Variants in MET observed in about 807,000 individuals in gnomAD.
MET encodes MET proto-oncogene, receptor tyrosine kinase, also known as hepatocyte growth factor receptor.
In MET, 48 loss-of-function variants were observed where a neutral mutation model predicts 133.1. The ratio of observed to expected loss-of-function variants is 0.36; its 90% CI spans 0.29 to 0.46. MET has a LOEUF of 0.46. Ranked by LOEUF, MET falls within the 20% of genes least tolerant of loss-of-function variation. The pLI, the probability that MET is intolerant of heterozygous loss-of-function variation, is 1.00. For missense variants in MET, 1,442 were observed against 1,695.9 expected, an observed-to-expected ratio of 0.85 and a Z score of 2.63; for synonymous variants, 628 against 616.5, an observed-to-expected ratio of 1.02 and a Z score of -0.28.
Position 116,774,977 on chromosome 7 carries a change from T to C in MET, c.3125T>C (p.Ile1042Thr). The C allele has an allele frequency of 6.2e-7, 1 of 1,614,162 alleles. No homozygotes were observed. The highest frequency in any genetic ancestry group is 1.1e-5 in the South Asian group (1 of 91,086). The change falls in exon 15 of 21, where the codon ATA (isoleucine) becomes ACA (threonine). Residue 1042 changes from isoleucine to threonine, a missense_variant. Coordinates refer to ENST00000397752, the MANE Select transcript of MET (RefSeq NM_000245.4). ...ATCCTAACTAGTGGGGACTCTGATA[T>C]ATCCAGTCCATTACTGCAAAATACT... ...SPILTSGDSD[I>T]SSPLLQNTVH...
chr7:116,771,986 GA>G lies in MET; in HGVS notation c.3027del (p.Asp1010IlefsTer19). 1 of 1,613,720 alleles carries G rather than the reference GA, an allele frequency of 6.2e-7. No homozygotes were observed. Among genetic ancestry groups the G allele is most frequent in the Non-Finnish European group, 8.5e-7 (1 of 1,179,738 alleles). On this transcript the variant is annotated frameshift_variant and splice_region_variant, in exon 14 of 21. Coordinates refer to ENST00000397752, the MANE Select transcript of MET (RefSeq NM_000245.4). LOFTEE classifies it high-confidence loss of function. ...TGTAGACTACCGAGCTACTTTTCCA[GA>G]AGGTATATTTCAGTTTATTGTTCTG... The part of the protein sequence containing the change: ...ESVDYRATFP[E>X]DQFPNSSQNG...
intron 2 of MET, among the ~76,000 whole-genome samples, chr7:116,706,317 G>T (rs2116635860): frequency 6.6e-6 from 1 of 152,200 alleles, no homozygotes; most frequent in South Asian, 2.1e-4. Flanking sequence ...TCTACACGGA[G>T]ATTCATCTGA....
At chr7:116,773,459 GA>G (rs1373500417) in intron 14 of MET, among the ~76,000 whole-genome samples, 1 of 152,164 alleles carries the variant, frequency 6.6e-6, no homozygotes, top group Non-Finnish European at 1.5e-5. Context: ...TCTCACCAAG[GA>G]TTTCCCTCAA....
intron 10 of MET, among the ~76,000 whole-genome samples, chr7:116,759,874 T>C (rs146252378): frequency 6.6e-4 from 100 of 152,228 alleles, no homozygotes; most frequent in African/African-American, 2.2e-3. Context: ...CCTCCCAGGT[T>C]CAAGCGATTC....
At position 116,731,664 on chromosome 7, in the gene MET, C is replaced by G; in HGVS notation, c.1201-4C>G. On this transcript the variant is annotated splice_polypyrimidine_tract_variant and splice_region_variant and intron_variant, in intron 2 of 20. Coordinates refer to ENST00000397752, the MANE Select transcript of MET (RefSeq NM_000245.4). ...ATTAACTCTATGACCATATTTTATT[C>G]CAGACACTTCTGAGAAATTCATCAG... 1 of 1,614,026 alleles carries G rather than the reference C, an allele frequency of 6.2e-7. No homozygotes were observed. Among genetic ancestry groups the G allele is most frequent in the South Asian group, 1.1e-5 (1 of 91,066 alleles).
chr7:116,759,500 T>C lies in MET; in HGVS notation c.2364+10T>C. 1.9e-6 allele frequency: 3 copies of C among 1,611,262 alleles called. No homozygotes were observed. In the South Asian group the frequency reaches 3.3e-5, roughly 18 times the overall value. On this transcript the variant is annotated intron_variant, in intron 10 of 20. Coordinates refer to ENST00000397752, the MANE Select transcript of MET (RefSeq NM_000245.4). ...AAGGAACTTTACAGTGGTAAGTCCT[T>C]TGAGCAATGGTTCTACTCAGAGCTC... is the stretch of plus-strand genomic sequence containing the variant.
intron 11 of MET, among the ~76,000 whole-genome samples, chr7:116,767,972 A>ATGTGTG (rs764560452): frequency 2.4e-5 from 3 of 124,522 alleles, no homozygotes; most frequent in African/African-American, 9.9e-5. Context: ...ATATATATAT[A>ATGTGTG]TATGTGTGTG....
intron 11 of MET, among the ~76,000 whole-genome samples, chr7:116,764,652 A>T (rs2116963056): frequency 6.6e-6 from 1 of 152,268 alleles, no homozygotes; most frequent in Non-Finnish European, 1.5e-5. Flanking sequence ...CCATTATTCA[A>T]CATCCTACAA....
intron 1 of MET, among the ~76,000 whole-genome samples, chr7:116,683,700 T>G (rs1711772762): frequency 6.6e-6 from 1 of 152,168 alleles, no homozygotes. Flanking sequence ...ACCAGTGCCC[T>G]CCTCATGGCC....
chr7:116,784,673 T>C (rs1243960466), intron 19 of MET, among the ~76,000 whole-genome samples: 4 of 152,236 alleles, frequency 2.6e-5, no homozygotes, highest in Middle Eastern at 3.4e-3. Flanking sequence ...TCCCTCAGCA[T>C]TGGGGATTAC....
chr7:116,674,102 GA>G (rs1279889665), intron 1 of MET, among the ~76,000 whole-genome samples: 3 of 152,164 alleles, frequency 2.0e-5, no homozygotes, highest in Non-Finnish European at 4.4e-5. Flanking sequence ...CTTTTAACAT[GA>G]TGGAATTTGT....
At position 116,758,571 on chromosome 7, in the gene MET, C is replaced by T. The variant is rs45587940; in HGVS notation, c.2215C>T (p.Arg739Cys). The T allele has an allele frequency of 1.1e-5, 17 of 1,613,526 alleles. No homozygotes were observed. The highest frequency in any genetic ancestry group is 2.2e-5 in the South Asian group (2 of 91,046). The change falls in exon 9 of 21, where the codon CGT becomes TGT. Residue 739 changes from arginine to cysteine, a missense_variant. Physicochemically the swap from Arg to Cys is radical, Grantham distance 180 (BLOSUM62 -3). Around this residue, in one of 6 missense-constraint regions of MET, gnomAD observed 514 missense variants for 659.6 expected, o/e 0.78. Transcript: ENST00000397752. ...CCGAGAGACAAGCATCTTCAGTTAC[C>T]GTGAAGATCCCATTGTCTATGAAAT... is the stretch of plus-strand genomic sequence containing the variant. Reference protein sequence around the residue: ...ANRETSIFSYREDPIVYEIHP... With the variant: ...ANRETSIFSYCEDPIVYEIHP...
intron 2 of MET, among the ~76,000 whole-genome samples, chr7:116,715,920 G>A (rs527334474): frequency 3.3e-5 from 5 of 152,234 alleles, no homozygotes; most frequent in African/African-American, 1.2e-4. Context: ...GATTGTAGGA[G>A]GCCATGTAGG....
intron 1 of MET, among the ~76,000 whole-genome samples, chr7:116,694,693 T>C (rs1197204514): frequency 2.0e-5 from 3 of 152,244 alleles, no homozygotes; most frequent in South Asian, 4.1e-4. Context: ...TTTGTTTTTG[T>C]TTTTATTTTT....
chr7:116,788,977 G>A (rs966204599), intron 19 of MET, among the ~76,000 whole-genome samples: 5 of 152,170 alleles, frequency 3.3e-5, no homozygotes, highest in Non-Finnish European at 5.9e-5. Flanking sequence ...TGTATTATAC[G>A]TTGTTTCACA....
intron 15 of MET, among the ~76,000 whole-genome samples, chr7:116,776,269 A>G (rs1370379159): frequency 6.6e-6 from 1 of 152,172 alleles, no homozygotes; most frequent in Non-Finnish European, 1.5e-5. Flanking sequence ...CAAACACCCC[A>G]GAGCGTAATC....
intron 15 of MET, 101 bp from the exon 16 acceptor site, chr7:116,777,288 G>C: frequency 9.9e-7 from 1 of 1,013,860 alleles, no homozygotes. Flanking sequence ...TTGCTGTATA[G>C]AAAGAAGAAA....
chr7:116,679,482 G>C (rs993670583), intron 1 of MET, among the ~76,000 whole-genome samples: 10 of 152,166 alleles, frequency 6.6e-5, no homozygotes, highest in Admixed American at 5.9e-4. Context: ...TATGCTTTCT[G>C]AAAATTGATT....
Position 116,719,475 on chromosome 7 carries a change from C to T in MET, c.1201-12193C>T, listed in dbSNP as rs1049786435. Among the ~76,000 whole-genome samples the T allele has an allele frequency of 1.4e-3, 209 of 152,278 alleles. 2 individuals carry two copies. In the East Asian group the frequency reaches 0.034, roughly 25 times the overall value. ...TCTGATGATAGTTTCTTTTGCTGTG[C>T]AGAAGCTCTTTAGTTTAATTAGATC... On this transcript the variant is annotated intron_variant, in intron 2 of 20. Transcript: ENST00000397752.
Sources: gnomAD v4.1 joint callset for allele counts (sites outside exome capture counted in the v4.1 genomes callset) on GRCh38, gnomAD v4.1.1 for gene constraint, gnomAD v4.1.1 regional missense constraint, MANE v1.5 for transcripts, NCBI Gene and HGNC (gene_info 2026-07-23, HGNC 2026-07-21) for gene names.